The following CDH4 variants were observed in gnomAD, a reference collection of about 807,000 sequenced individuals.
CDH4 encodes cadherin-4.
A neutral mutation model predicts 86.0 loss-of-function variants in CDH4; 33 were observed. That is an observed-to-expected ratio of 0.38 (90% CI 0.29 to 0.51). CDH4 has a LOEUF of 0.51. CDH4 is among the 20% of genes least tolerant of loss of function. CDH4 has a pLI of 0.86. For missense variants in CDH4, 1,114 were observed against 1,307.4 expected (o/e 0.85, Z 2.28); for synonymous variants, 555 against 549.4 (o/e 1.01, Z -0.14).
chr20:61,527,964 CT>C (rs1235706215), intron 2 of CDH4, among the ~76,000 whole-genome samples: 1 of 152,086 alleles, frequency 6.6e-6, no homozygotes. Context: ...ATTAGTGCCC[CT>C]GACACTTTGG....
chr20:61,373,591 T>C (rs1466528784), intron 2 of CDH4, among the ~76,000 whole-genome samples: 2 of 152,132 alleles, frequency 1.3e-5, no homozygotes, highest in Admixed American at 6.6e-5. Context: ...CCTTGCTGCA[T>C]CCACCCTCCC....
intron 2 of CDH4, among the ~76,000 whole-genome samples, chr20:61,439,826 G>T (rs2085305074): frequency 6.6e-6 from 1 of 152,238 alleles, no homozygotes; most frequent in African/African-American, 2.4e-5. Flanking sequence ...GAGGGGACTA[G>T]CGGGGAGGGC....
intron 2 of CDH4, among the ~76,000 whole-genome samples, chr20:61,652,646 C>T (rs1222914000): frequency 6.6e-6 from 1 of 152,028 alleles, no homozygotes; most frequent in Non-Finnish European, 1.5e-5. Context: ...ACTTCCATAT[C>T]ATCTTCAGAA....
chr20:61,917,487 G>T (rs2054916512), intron 9 of CDH4, among the ~76,000 whole-genome samples: 2 of 152,268 alleles, frequency 1.3e-5, no homozygotes, highest in Non-Finnish European at 2.9e-5. Context: ...CCTGTGGGAG[G>T]CTCGCAGGTG....
rs145800150 is a variant in CDH4 at position 61,257,150 on chromosome 20, C to T, written c.169+2213C>T. On this transcript the variant is annotated intron_variant, in intron 2 of 15. Coordinates refer to ENST00000614565, the MANE Select transcript of CDH4 (RefSeq NM_001794.5). ...CGGAGAGAGCTTAACCTTAATTTGACGAGTGAAGCTTCACAGAGTGGCCAT... is the reference window on the plus strand; with the variant it reads ...CGGAGAGAGCTTAACCTTAATTTGATGAGTGAAGCTTCACAGAGTGGCCAT... Among the ~76,000 whole-genome samples the T allele has an allele frequency of 1.8e-4, 28 of 152,258 alleles. No individual in the cohort carries two copies. In the East Asian group the frequency reaches 2.9e-3, roughly 16 times the overall value.
chr20:61,522,458 G>A lies in CDH4; in HGVS notation c.170-221105G>A, dbSNP rs559933270. Among the ~76,000 whole-genome samples the A allele has an allele frequency of 6.6e-5, 10 of 152,330 alleles. No individual in the cohort carries two copies. The South Asian group carries it at 1.7e-3, about 25-fold the overall frequency. The stretch of plus-strand genomic sequence containing the variant: ...GACACCAAATGTCGCATCCATTAAC[G>A]TTTAATTCAATCTTTTTCAATATCA... On this transcript the variant is annotated intron_variant, in intron 2 of 15. Coordinates refer to ENST00000614565, the MANE Select transcript of CDH4 (RefSeq NM_001794.5).
intron 2 of CDH4, among the ~76,000 whole-genome samples, chr20:61,542,031 T>C (rs2086043320): frequency 6.6e-6 from 1 of 152,178 alleles, no homozygotes; most frequent in South Asian, 2.1e-4. Flanking sequence ...TTGAGCCTGC[T>C]CTGGGCCCTC....
At chr20:61,279,069 C>A (rs1034352053) in intron 2 of CDH4, among the ~76,000 whole-genome samples, 6 of 152,228 alleles carry the variant, frequency 3.9e-5, no homozygotes, top group Non-Finnish European at 7.3e-5. Flanking sequence ...TCCCCACAGG[C>A]CTCTATTTTG....
intron 2 of CDH4, among the ~76,000 whole-genome samples, chr20:61,620,518 A>G (rs914121514): frequency 3.4e-5 from 5 of 145,942 alleles, no homozygotes; most frequent in Admixed American, 2.0e-4. Flanking sequence ...AGATTCGTAC[A>G]TACATACATA....
chr20:61,568,703 C>T (rs1039659134), intron 2 of CDH4, among the ~76,000 whole-genome samples: 1 of 152,238 alleles, frequency 6.6e-6, no homozygotes, highest in Non-Finnish European at 1.5e-5. Context: ...CATCCTGTGC[C>T]TCCTTTGGGT....
intron 2 of CDH4, among the ~76,000 whole-genome samples, chr20:61,428,182 C>A (rs1354779043): frequency 6.6e-6 from 1 of 152,180 alleles, no homozygotes; most frequent in Non-Finnish European, 1.5e-5. Context: ...CATTCAAAGC[C>A]TATCTAAAGG....
At chr20:61,680,095 C>G (rs1180013041) in intron 2 of CDH4, among the ~76,000 whole-genome samples, 1 of 152,234 alleles carries the variant, frequency 6.6e-6, no homozygotes, top group African/African-American at 2.4e-5. Flanking sequence ...CCCAGGGCTG[C>G]ACCCTGCATC....
intron 2 of CDH4, among the ~76,000 whole-genome samples, chr20:61,490,057 T>G (rs1178000401): frequency 6.6e-6 from 1 of 152,234 alleles, no homozygotes; most frequent in East Asian, 1.9e-4. Context: ...ACCATCACAT[T>G]GGTTCTTGGT....
chr20:61,803,399 A>C (rs1332515071), intron 4 of CDH4, among the ~76,000 whole-genome samples: 2 of 152,230 alleles, frequency 1.3e-5, no homozygotes, highest in African/African-American at 2.4e-5. Context: ...TTTAAATTTA[A>C]GTCTGGCTCC....
chr20:61,469,012 A>G (rs2085488219), intron 2 of CDH4, among the ~76,000 whole-genome samples: 1 of 152,234 alleles, frequency 6.6e-6, no homozygotes, highest in Non-Finnish European at 1.5e-5. Context: ...TAGTGCTACA[A>G]GAAACATGGT....
chr20:61,933,044 C>T lies in CDH4; in HGVS notation c.2299C>T (p.Gln767Ter). 2 of 1,613,366 alleles carry T rather than the reference C, an allele frequency of 1.2e-6. No individual in the cohort carries two copies. The highest frequency in any genetic ancestry group is 2.2e-5 in the South Asian group (2 of 91,092). Residue 767 changes from glutamine (Q) to a stop codon, truncating the protein, a stop_gained, in exon 14 of 16, where the codon CAG becomes TAG. Transcript: ENST00000614565. LOFTEE classifies it high-confidence loss of function. ...KRREKERHTKQLLIDPEDDVR... is the reference protein window; with the variant it reads ...KRREKERHTK ...GCGAGAGAAGGAGCGCCACACGAAGCAGCTGCTCATTGACCCCGAGGACGA... is the reference window on the plus strand; with the variant it reads ...GCGAGAGAAGGAGCGCCACACGAAGTAGCTGCTCATTGACCCCGAGGACGA...
At chr20:61,853,688 G>A (rs887160057) in intron 6 of CDH4, among the ~76,000 whole-genome samples, 4 of 152,210 alleles carry the variant, frequency 2.6e-5, no homozygotes, top group African/African-American at 4.8e-5. Context: ...GAACCTGGGT[G>A]TCCACATCCC....
Position 61,708,495 on chromosome 20 carries a change from G to A in CDH4, c.170-35068G>A, listed in dbSNP as rs1373402180. Among the ~76,000 whole-genome samples the A allele has an allele frequency of 6.6e-6, 1 of 152,108 alleles. No individual in the cohort carries two copies. ...ATGGAGAAACCCAATCCAGGCCCCG[G>A]GCTCCCAGTTTGACACCCGGCCACA... is the stretch of plus-strand genomic sequence containing the variant. On this transcript the variant is annotated intron_variant, in intron 2 of 15. Transcript: ENST00000614565. The surrounding 1 kb of genome is among the most constrained non-coding windows in gnomAD (Gnocchi z 4.5).
intron 2 of CDH4, among the ~76,000 whole-genome samples, chr20:61,603,644 G>A (rs1327970730): frequency 6.6e-6 from 1 of 152,200 alleles, no homozygotes; most frequent in Non-Finnish European, 1.5e-5. Context: ...CGTCTGCCCA[G>A]GGCAGGCTCT....
Sources: allele counts gnomAD v4.1 joint callset (sites outside exome capture counted in the v4.1 genomes callset), GRCh38; gene constraint gnomAD v4.1.1; non-coding constraint Gnocchi (gnomAD v3.1); transcripts MANE v1.5; gene names NCBI Gene and HGNC (gene_info 2026-07-23, HGNC 2026-07-21).